PLCG1: variants seen among roughly 807,000 people sequenced by gnomAD.
PLCG1 encodes the protein phospholipase C gamma 1.
PLCG1 carries 71 observed loss-of-function variants against 177.8 expected under a neutral mutation model. The observed-to-expected ratio is 0.40, with a 90% CI of 0.33 to 0.49. The LOEUF is 0.49. Among genes scored for constraint, PLCG1 ranks in the 20% least tolerant of loss-of-function variants. PLCG1 has a pLI of 0.72. For synonymous variants in PLCG1, 658 were observed against 647.9 expected (o/e 1.02, Z -0.24); for missense variants, 1,281 against 1,709.0 (o/e 0.75, Z 4.42).
intron 4 of PLCG1, among the ~76,000 whole-genome samples, chr20:41,161,175 C>T (rs1403236020): frequency 6.6e-6 from 1 of 152,074 alleles, no homozygotes; most frequent in Non-Finnish European, 1.5e-5. Flanking sequence ...TTGGAGGGGT[C>T]AGGGACAACT....
chr20:41,149,778 C>T (rs920811438), intron 1 of PLCG1, among the ~76,000 whole-genome samples: 1 of 152,068 alleles, frequency 6.6e-6, no homozygotes, highest in Non-Finnish European at 1.5e-5. Context: ...GCCTGTAGCG[C>T]ACAAAGAAGC....
intron 1 of PLCG1, among the ~76,000 whole-genome samples, chr20:41,145,604 A>G (rs963469523): frequency 2.0e-5 from 3 of 152,054 alleles, no homozygotes; most frequent in Non-Finnish European, 2.9e-5. Flanking sequence ...CACTCATCAC[A>G]CTTGCTTCCC....
rs1304024515 is a variant in PLCG1 at position 41,167,156 on chromosome 20, C to CT, written c.2301+298dup. Reference sequence around the variant, plus strand: ...CTGGGAGAGGTGCACACAGTGGAAACTCATCCACCTGGGCTTGGCCTGGAC... The same window carrying CT: ...CTGGGAGAGGTGCACACAGTGGAAACTTCATCCACCTGGGCTTGGCCTGGAC... On this transcript the variant is annotated intron_variant, in intron 19 of 31. Transcript: ENST00000685551. The surrounding 1 kb of genome is among the most constrained non-coding windows in gnomAD (Gnocchi z 4.4). Among the ~76,000 whole-genome samples, 2 of 152,164 alleles carry CT rather than the reference C, an allele frequency of 1.3e-5. No individual in the cohort carries two copies. The highest frequency in any genetic ancestry group is 4.8e-5 in the African/African-American group (2 of 41,434).
Position 41,166,244 on chromosome 20 carries a change from G to A in PLCG1, c.1850G>A (p.Gly617Glu), listed in dbSNP as rs1220708873. ...HCRIHSRQDA[G>E]TPKFFLTDNL... ...CGTATCCACTCCCGGCAAGATGCTG[G>A]GACCCCCAAGTTCTTCTTGACAGAC... Residue 617 changes from glycine (G) to glutamate (E), a missense_variant, in exon 17 of 32, where the codon GGG becomes GAG. By Grantham distance (98) the Gly-to-Glu change is moderately conservative. Transcript: ENST00000685551. This position sits in a 1 kb window ranked among gnomAD's most constrained non-coding sequence, Gnocchi z 8.6. The A allele has an allele frequency of 6.2e-7, 1 of 1,614,098 alleles. No individual in the cohort carries two copies. Among genetic ancestry groups the A allele is most frequent in the South Asian group, 1.1e-5 (1 of 91,078 alleles).
intron 1 of PLCG1, among the ~76,000 whole-genome samples, chr20:41,141,391 C>A (rs997249045): frequency 6.6e-6 from 1 of 152,210 alleles, no homozygotes; most frequent in Non-Finnish European, 1.5e-5. Context: ...GTGAGGGTGG[C>A]GGAAGAAAAC....
chr20:41,169,520 C>G lies in PLCG1; in HGVS notation c.2644C>G (p.Gln882Glu). 6.2e-7 allele frequency: 1 copy of G among 1,612,276 alleles called. No individual in the cohort carries two copies. The highest frequency in any genetic ancestry group is 8.5e-7 in the Non-Finnish European group (1 of 1,178,416). ...LRGVLDVPAC[Q>E]IAIRPEGKNN... ...GGGGGTCTTGGATGTGCCGGCTTGT[C>G]AGATTGGTGAGCTCCCATCTGTTTC... The change falls in exon 23 of 32, where the codon CAG (glutamine) becomes GAG (glutamate). Residue 882 changes from glutamine (Q) to glutamate (E), a missense_variant. By Grantham distance (29) the Gln-to-Glu change is conservative. Transcript: ENST00000685551.
chr20:41,162,864 G>C, intron 6 of PLCG1, 94 bp from the exon 7 acceptor site: 1 of 1,353,494 alleles, frequency 7.4e-7, no homozygotes, highest in Non-Finnish European at 1.1e-6. Context: ...CTTGAGGCCT[G>C]CCCCCATCTG....
Position 41,166,165 on chromosome 20 carries a change from C to T in PLCG1, c.1800-29C>T. The T allele has an allele frequency of 6.3e-7, 1 of 1,599,576 alleles. No individual in the cohort carries two copies. Among genetic ancestry groups the T allele is most frequent in the Non-Finnish European group, 8.5e-7 (1 of 1,171,864 alleles). The stretch of plus-strand genomic sequence containing the variant: ...CTTTGGGGCCCTGGCCTGTTTTCCC[C>T]AGCCTCCCTCACTCTGTGTCTTCCA... On this transcript the variant is annotated intron_variant, in intron 16 of 31. Coordinates refer to ENST00000685551, the MANE Select transcript of PLCG1 (RefSeq NM_002660.3). This position sits in a 1 kb window ranked among gnomAD's most constrained non-coding sequence, Gnocchi z 8.6.
chr20:41,148,560 T>A lies in PLCG1; in HGVS notation c.217+10702T>A, dbSNP rs1292594942. On this transcript the variant is annotated intron_variant, in intron 1 of 31. Coordinates refer to ENST00000685551, the MANE Select transcript of PLCG1 (RefSeq NM_002660.3). The surrounding 1 kb of genome is among the most constrained non-coding windows in gnomAD (Gnocchi z 4.3). The stretch of plus-strand genomic sequence containing the variant: ...ATTTATCTAGTGAGCAGGAACAGGT[T>A]ATATAGCAGTGATGCTTTCATAGTA... Among the ~76,000 whole-genome samples the A allele has an allele frequency of 6.6e-6, 1 of 152,126 alleles. No individual in the cohort carries two copies. Among genetic ancestry groups the A allele is most frequent in the Non-Finnish European group, 1.5e-5 (1 of 68,028 alleles).
At position 41,159,227 on chromosome 20, in the gene PLCG1, TTA is replaced by T. The variant is rs1178203442; in HGVS notation, c.218-377_218-376del. On this transcript the variant is annotated intron_variant, in intron 1 of 31. Transcript: ENST00000685551. The surrounding 1 kb of genome is among the most constrained non-coding windows in gnomAD (Gnocchi z 6.0). ...CCTACCCAGCCCTGCCTCTGGGACT[TTA>T]TGATTTGATTTGTGTGTACCTTGTG... Among the ~76,000 whole-genome samples, 1 of 152,068 alleles carries T rather than the reference TTA, an allele frequency of 6.6e-6. No homozygotes were observed. The highest frequency in any genetic ancestry group is 1.5e-5 in the Non-Finnish European group (1 of 67,996).
chr20:41,163,296 G>A lies in PLCG1; in HGVS notation c.789+21G>A. On this transcript the variant is annotated intron_variant, in intron 8 of 31. Coordinates refer to ENST00000685551, the MANE Select transcript of PLCG1 (RefSeq NM_002660.3). The surrounding 1 kb of genome is among the most constrained non-coding windows in gnomAD (Gnocchi z 5.2). ...AGGGGGTATGGCTGGGCTGACATTG[G>A]CCCAGGCTGGTAGGTTGTGGGGGGC... 2 of 1,584,862 alleles carry A rather than the reference G, an allele frequency of 1.3e-6. No homozygotes were observed. The highest frequency in any genetic ancestry group is 1.7e-6 in the Non-Finnish European group (2 of 1,164,838).
In PLCG1 at chr20:41,173,542, T is replaced by A. The variant is rs768883443; in HGVS notation, c.3394+8T>A. The A allele has an allele frequency of 6.2e-7, 1 of 1,613,894 alleles. No homozygotes were observed. The highest frequency in any genetic ancestry group is 8.5e-7 in the Non-Finnish European group (1 of 1,179,902). On this transcript the variant is annotated splice_region_variant and intron_variant, in intron 28 of 31. Transcript: ENST00000685551. The surrounding 1 kb of genome is among the most constrained non-coding windows in gnomAD (Gnocchi z 6.2). ...AGAAGACAGAGTTTGTGGGTCAGTC[T>A]GTCTTCCCAGTCATCCTCCTCATCC...
chr20:41,139,042 C>T (rs2034720906), intron 1 of PLCG1, among the ~76,000 whole-genome samples: 1 of 152,130 alleles, frequency 6.6e-6, no homozygotes. Context: ...AGTGACACCC[C>T]AAGGGGGGGT....
At position 41,168,835 on chromosome 20, in the gene PLCG1, C is replaced by T. The variant is rs762087503; in HGVS notation, c.2448C>T (p.Ala816=). 1.9e-6 allele frequency: 3 copies of T among 1,612,310 alleles called. No individual in the cohort carries two copies. The highest frequency in any genetic ancestry group is 1.1e-5 in the South Asian group (1 of 90,996). The change falls in exon 21 of 32, where the codon GCC becomes GCT. Residue 816 remains alanine, a synonymous_variant. Transcript: ENST00000685551. ...ACGAGCTGACCTTCATCAAGAGCGCCATCATCCAGAATGTGGAGAAGCAAG... is the reference window on the plus strand; with the variant it reads ...ACGAGCTGACCTTCATCAAGAGCGCTATCATCCAGAATGTGGAGAAGCAAG... ...REDELTFIKS[A]IIQNVEKQEG...
chr20:41,173,889 C>T lies in PLCG1; in HGVS notation c.3557-34C>T, dbSNP rs372843049. ...GGGCTGGGCCCCTTGCTCTGTCCCT[C>T]GTGGGCTGAGGGCCAGGCTTTTCCT... On this transcript the variant is annotated intron_variant, in intron 29 of 31. Transcript: ENST00000685551. The surrounding 1 kb of genome is among the most constrained non-coding windows in gnomAD (Gnocchi z 6.2). The T allele has an allele frequency of 1.2e-4, 193 of 1,611,346 alleles. No homozygotes were observed. Among genetic ancestry groups the T allele is most frequent in the Non-Finnish European group, 1.6e-4 (183 of 1,177,702 alleles).
rs527814433 is a variant in PLCG1, at chr20:41,148,222, A to G, written c.217+10364A>G. The stretch of plus-strand genomic sequence containing the variant: ...CAACATTTACTGTCCAAGAGGTGGC[A>G]GTAACACAGAAACCAAAGAGGCAGG... On this transcript the variant is annotated intron_variant, in intron 1 of 31. Coordinates refer to ENST00000685551, the MANE Select transcript of PLCG1 (RefSeq NM_002660.3). The surrounding 1 kb of genome is among the most constrained non-coding windows in gnomAD (Gnocchi z 4.3). Among the ~76,000 whole-genome samples the G allele has an allele frequency of 5.3e-5, 8 of 152,244 alleles. No homozygotes were observed. The highest frequency in any genetic ancestry group is 9.6e-5 in the African/African-American group (4 of 41,468).
At chr20:41,162,832 C>T (rs2035557175) in intron 6 of PLCG1, 107 bp downstream of exon 6, 1 of 1,324,378 alleles carries the variant, frequency 7.6e-7, no homozygotes, top group South Asian at 1.2e-5. Flanking sequence ...CTTTTGGGTG[C>T]CATTTCTCCA....
In PLCG1 at chr20:41,160,234, C is replaced by A. The variant is rs35872891; in HGVS notation, c.512+81C>A. ...TTAGCCAGGCCTCTAAGTAGCTGCC[C>A]GGAGAGCCAGAGGACCCAGGGGACC... On this transcript the variant is annotated intron_variant, in intron 4 of 31. Coordinates refer to ENST00000685551, the MANE Select transcript of PLCG1 (RefSeq NM_002660.3). The surrounding 1 kb of genome is among the most constrained non-coding windows in gnomAD (Gnocchi z 5.5). The A allele has an allele frequency of 7.2e-4, 961 of 1,332,758 alleles. 5 individuals carry two copies. The African/African-American group carries it at 0.012, about 17-fold the overall frequency. The allele number at this position is 1,332,758 out of a possible 1,614,324, so 82.6% of individuals were successfully genotyped here.
Position 41,160,012 on chromosome 20 carries a change from G to T in PLCG1, c.464+49G>T, listed in dbSNP as rs2035445495. On this transcript the variant is annotated intron_variant, in intron 3 of 31. Coordinates refer to ENST00000685551, the MANE Select transcript of PLCG1 (RefSeq NM_002660.3). The surrounding 1 kb of genome is among the most constrained non-coding windows in gnomAD (Gnocchi z 5.5). The stretch of plus-strand genomic sequence containing the variant: ...TAGGGCTGGGAGCATTAGGGACCAG[G>T]GGGACAGGGACAGCAGACCTTTGTG... 1 of 1,599,734 alleles carries T rather than the reference G, an allele frequency of 6.3e-7. No homozygotes were observed. Among genetic ancestry groups the T allele is most frequent in the African/African-American group, 1.3e-5 (1 of 74,746 alleles).
Sources: allele counts gnomAD v4.1 joint callset (sites outside exome capture counted in the v4.1 genomes callset), GRCh38; gene constraint gnomAD v4.1.1; non-coding constraint Gnocchi (gnomAD v3.1); transcripts MANE v1.5; gene names NCBI Gene and HGNC (gene_info 2026-07-23, HGNC 2026-07-21).